Variants in NRG3 observed in about 807,000 individuals in gnomAD.
NRG3 encodes pro-neuregulin-3, membrane-bound isoform.
A neutral mutation model predicts 66.9 loss-of-function variants in NRG3; 31 were observed. The observed-to-expected ratio is 0.46, with a 90% CI of 0.35 to 0.63. NRG3 has a LOEUF of 0.63. NRG3 is among the 20% of genes least tolerant of loss of function. NRG3 has a pLI of 0.00. For missense variants in NRG3, 910 were observed against 878.9 expected (o/e 1.04, Z -0.45); for synonymous variants, 393 against 359.4 (o/e 1.09, Z -1.06).
At chr10:82,380,348 G>A (rs1303345681) in intron 2 of NRG3, among the ~76,000 whole-genome samples, 1 of 152,040 alleles carries the variant, frequency 6.6e-6, no homozygotes, top group Admixed American at 6.6e-5. Flanking sequence ...TCACAAAAAA[G>A]GTAATTAAGT....
At chr10:82,748,857 A>G (rs1482867355) in intron 3 of NRG3, among the ~76,000 whole-genome samples, 2 of 152,006 alleles carry the variant, frequency 1.3e-5, no homozygotes, top group African/African-American at 4.8e-5. Flanking sequence ...ACACTTAGTC[A>G]ATGGAAGCAC....
At chr10:82,152,381 A>C (rs900020260) in intron 1 of NRG3, among the ~76,000 whole-genome samples, 5 of 152,184 alleles carry the variant, frequency 3.3e-5, no homozygotes, top group African/African-American at 1.2e-4. Context: ...ATAGTTTGGC[A>C]CACAATTTGC....
chr10:82,551,432 C>A (rs2044296356), intron 2 of NRG3, among the ~76,000 whole-genome samples: 1 of 151,970 alleles, frequency 6.6e-6, no homozygotes, highest in African/African-American at 2.4e-5. Flanking sequence ...TTTCAGAAGA[C>A]AAGTATGCCT....
chr10:82,633,596 G>T (rs1190589849), intron 2 of NRG3, among the ~76,000 whole-genome samples: 1 of 150,666 alleles, frequency 6.6e-6, no homozygotes, highest in Admixed American at 6.6e-5. Context: ...AGGGCTTAAA[G>T]TGTGGCCCAG....
At chr10:82,491,392 C>G (rs1590330127) in intron 2 of NRG3, among the ~76,000 whole-genome samples, 1 of 137,366 alleles carries the variant, frequency 7.3e-6, no homozygotes, top group African/African-American at 2.6e-5. Flanking sequence ...TGTTGGTTTT[C>G]TCCCCTAGAA....
At chr10:82,575,630 G>A (rs4536149) in intron 2 of NRG3, among the ~76,000 whole-genome samples, 39,200 of 151,392 alleles carry the variant, frequency 0.26, 5,398 homozygotes, top group East Asian at 0.34. Context: ...TGTTGATGGG[G>A]CTCCACTATA....
chr10:82,649,188 C>T (rs1341349903), intron 2 of NRG3, among the ~76,000 whole-genome samples: 1 of 152,142 alleles, frequency 6.6e-6, no homozygotes, highest in Non-Finnish European at 1.5e-5. Context: ...GAAATTGTCC[C>T]TGTTTGCAGA....
chr10:82,782,312 C>T (rs183323546), intron 3 of NRG3, among the ~76,000 whole-genome samples: 86 of 152,236 alleles, frequency 5.6e-4, no homozygotes, highest in African/African-American at 1.9e-3. Context: ...TCCCTTGTTC[C>T]TCTTTCTCCT....
intron 1 of NRG3, among the ~76,000 whole-genome samples, chr10:81,999,147 T>G (rs2061065825): frequency 6.6e-6 from 1 of 152,190 alleles, no homozygotes; most frequent in African/African-American, 2.4e-5. Context: ...ATTCCAAAAA[T>G]ATTTACTACT....
intron 2 of NRG3, among the ~76,000 whole-genome samples, chr10:82,523,305 C>T (rs185339032): frequency 4.6e-5 from 7 of 152,076 alleles, no homozygotes; most frequent in Admixed American, 3.3e-4. Flanking sequence ...TATATGGTAA[C>T]TTTAGGTTTA....
intron 2 of NRG3, among the ~76,000 whole-genome samples, chr10:82,545,447 C>T (rs1411091547): frequency 7.0e-6 from 1 of 143,778 alleles, no homozygotes; most frequent in Non-Finnish European, 1.5e-5. Context: ...GGCGCGATCT[C>T]GGCTCACTGA....
chr10:82,305,941 G>T (rs2080698799), intron 1 of NRG3, among the ~76,000 whole-genome samples: 2 of 152,180 alleles, frequency 1.3e-5, no homozygotes, highest in Non-Finnish European at 2.9e-5. Flanking sequence ...GGGAATACCT[G>T]CAAGGTTTGA....
chr10:82,826,463 A>T (rs573069581), intron 3 of NRG3, among the ~76,000 whole-genome samples: 4 of 152,344 alleles, frequency 2.6e-5, no homozygotes, highest in African/African-American at 7.2e-5. Flanking sequence ...AGCTTTTTTC[A>T]TCAAGTGTGA....
At chr10:82,093,028 G>A (rs967147375) in intron 1 of NRG3, among the ~76,000 whole-genome samples, 2 of 152,156 alleles carry the variant, frequency 1.3e-5, no homozygotes, top group African/African-American at 4.8e-5. Context: ...TCACCTGTTA[G>A]CTTGCAAGTG....
At chr10:82,496,588 A>G (rs529731363) in intron 2 of NRG3, among the ~76,000 whole-genome samples, 1 of 152,180 alleles carries the variant, frequency 6.6e-6, no homozygotes, top group South Asian at 2.1e-4. Context: ...TATATTGTCT[A>G]TGTTTTATCC....
chr10:82,631,147 A>G (rs755273454), intron 2 of NRG3, among the ~76,000 whole-genome samples: 45 of 152,148 alleles, frequency 3.0e-4, no homozygotes, highest in Non-Finnish European at 5.9e-4. Context: ...AAAAGAACCT[A>G]TAGCACTTTA....
Position 82,034,455 on chromosome 10 carries a change from T to G in NRG3, c.823+158292T>G, listed in dbSNP as rs1005172734. On this transcript the variant is annotated intron_variant, in intron 1 of 8. Coordinates refer to ENST00000372141, the MANE Select transcript of NRG3 (RefSeq NM_001010848.4). Reference sequence around the variant, plus strand: ...AGTTTTAAATAAGTAGATTTTTGGATTTGAATTTGAGCTCTGTCAATTTCT... The same window carrying G: ...AGTTTTAAATAAGTAGATTTTTGGAGTTGAATTTGAGCTCTGTCAATTTCT... 2.4e-4 allele frequency among the ~76,000 whole-genome samples: 37 copies of G among 152,122 alleles called. 1 individual carries two copies. The highest frequency in any genetic ancestry group is 8.8e-5 in the Non-Finnish European group (6 of 68,004).
chr10:82,403,797 C>T (rs56352925), intron 2 of NRG3, among the ~76,000 whole-genome samples: 4,730 of 152,150 alleles, frequency 0.031, 119 homozygotes, highest in Non-Finnish European at 0.047. Flanking sequence ...GACCTGCCTT[C>T]TGGGCTCATT....
chr10:82,467,635 G>GAACA lies in NRG3; in HGVS notation c.953+108769_953+108772dup, dbSNP rs545930760. On this transcript the variant is annotated intron_variant, in intron 2 of 8. Transcript: ENST00000372141. ...GACCCTAAGCTGCTGGACAGGAAGG[G>GAACA]AACAAGAGGACAGGAATAGTAGGGC... 2.3e-3 allele frequency among the ~76,000 whole-genome samples: 343 copies of GAACA among 152,252 alleles called. 1 individual carries two copies. The highest frequency in any genetic ancestry group is 7.7e-3 in the African/African-American group (321 of 41,546).
Sources: allele counts gnomAD v4.1 joint callset (sites outside exome capture counted in the v4.1 genomes callset), GRCh38; gene constraint gnomAD v4.1.1; transcripts MANE v1.5; gene names NCBI Gene and HGNC (gene_info 2026-07-23, HGNC 2026-07-21).